RALYL: variants seen among roughly 807,000 people sequenced by gnomAD.
RALYL encodes the protein RALY RNA binding protein like.
Under a neutral mutation model 35.1 loss-of-function variants are expected in RALYL, and 29 were observed. The observed-to-expected ratio is 0.83, with a 90% confidence interval of 0.61 to 1.13. The LOEUF (loss-of-function observed/expected upper bound fraction) is 1.13, where lower values mean the gene tolerates loss of function less well. Among genes scored for constraint, RALYL ranks in the 50% most tolerant of loss-of-function variants. The pLI, the probability that RALYL is intolerant of heterozygous loss-of-function variation, is 0.00. For missense variants in RALYL, 359 were observed against 360.4 expected, an observed-to-expected ratio of 1.00 and a Z score of 0.03; for synonymous variants, 120 against 127.6, an observed-to-expected ratio of 0.94 and a Z score of 0.40.
At chr8:84,505,189 G>A (rs1452512819) in intron 1 of RALYL, among the ~76,000 whole-genome samples, 1 of 152,042 alleles carries the variant, frequency 6.6e-6, no homozygotes, top group Admixed American at 6.6e-5. Context: ...ACCTTACCTC[G>A]GTTTAGTATC....
In RALYL at chr8:84,357,842, A is replaced by T. The variant is rs749673510; in HGVS notation, c.-23-171457A>T. Among the ~76,000 whole-genome samples the T allele has an allele frequency of 4.1e-5, 6 of 145,440 alleles. No homozygotes were observed. The South Asian group carries it at 6.3e-4, about 15-fold the overall frequency. ...CATTAAAAATCAAAAGTTAAAAGTA[A>T]TTAATCTCAAAAAATGGTTAACTGG... On this transcript the variant is annotated intron_variant, in intron 1 of 8. Transcript: ENST00000521268.
intron 1 of RALYL, among the ~76,000 whole-genome samples, chr8:84,273,761 T>C (rs1834800945): frequency 1.3e-5 from 2 of 152,198 alleles, no homozygotes; most frequent in South Asian, 4.1e-4. Flanking sequence ...GGCAAGAGCC[T>C]TTTTATTAAA....
intron 8 of RALYL, among the ~76,000 whole-genome samples, chr8:84,901,086 C>G (rs1417989368): frequency 6.6e-6 from 1 of 152,132 alleles, no homozygotes; most frequent in African/African-American, 2.4e-5. Context: ...TTAATGATTA[C>G]AGTTCAAAGG....
intron 8 of RALYL, among the ~76,000 whole-genome samples, chr8:84,909,154 A>G (rs10095682): frequency 0.45 from 68,281 of 151,950 alleles, 17,943 homozygotes; most frequent in African/African-American, 0.72. Flanking sequence ...TGCCTTCTCA[A>G]ATGTCCTCAT....
intron 2 of RALYL, among the ~76,000 whole-genome samples, chr8:84,741,080 CCA>C (rs536947310): frequency 4.3e-3 from 647 of 152,022 alleles, no homozygotes; most frequent in African/African-American, 0.014. Flanking sequence ...TTATCAGGCC[CCA>C]GTCCCCAAAA....
At chr8:84,495,607 C>A (rs2055913264) in intron 1 of RALYL, among the ~76,000 whole-genome samples, 1 of 152,106 alleles carries the variant, frequency 6.6e-6, no homozygotes, top group African/African-American at 2.4e-5. Context: ...CTAATTCATT[C>A]ATACAAGGTA....
chr8:84,603,923 G>A (rs929887698), intron 2 of RALYL, among the ~76,000 whole-genome samples: 1 of 151,604 alleles, frequency 6.6e-6, no homozygotes, highest in Non-Finnish European at 1.5e-5. Context: ...CTTTTATCAG[G>A]TTTTTTTTGT....
At chr8:84,666,490 A>G (rs1448879840) in intron 2 of RALYL, among the ~76,000 whole-genome samples, 1 of 152,068 alleles carries the variant, frequency 6.6e-6, no homozygotes, top group Non-Finnish European at 1.5e-5. Flanking sequence ...TGTGGAATGG[A>G]AAGGCATTGA....
chr8:84,666,684 T>A (rs1249254639), intron 2 of RALYL, among the ~76,000 whole-genome samples: 1 of 152,084 alleles, frequency 6.6e-6, no homozygotes, highest in African/African-American at 2.4e-5. Flanking sequence ...AAAATACTCA[T>A]AAAGAGCACC....
chr8:84,865,380 T>TG (rs2135116829), intron 6 of RALYL, among the ~76,000 whole-genome samples: 1 of 152,310 alleles, frequency 6.6e-6, no homozygotes, highest in Non-Finnish European at 1.5e-5. Flanking sequence ...TGTTATAGCT[T>TG]GGATAATTTG....
At chr8:84,611,621 A>G (rs1183850718) in intron 2 of RALYL, among the ~76,000 whole-genome samples, 1 of 152,176 alleles carries the variant, frequency 6.6e-6, no homozygotes, top group Non-Finnish European at 1.5e-5. Context: ...GGTTCACTCT[A>G]TTAATATTTG....
intron 2 of RALYL, among the ~76,000 whole-genome samples, chr8:84,732,683 T>TATATATATATATATATATACACACAC: frequency 7.5e-4 from 100 of 133,194 alleles, no homozygotes; most frequent in Non-Finnish European, 1.3e-3. Context: ...TATATATATA[T>TATATATATATATATATATACACACAC]ACACACACAC....
chr8:84,517,407 T>C (rs2058147488), intron 1 of RALYL, among the ~76,000 whole-genome samples: 1 of 152,146 alleles, frequency 6.6e-6, no homozygotes, highest in African/African-American at 2.4e-5. Flanking sequence ...AAGGTAAATA[T>C]CAACCAAGGC....
At chr8:84,772,910 G>A (rs1815903545) in intron 2 of RALYL, among the ~76,000 whole-genome samples, 1 of 152,072 alleles carries the variant, frequency 6.6e-6, no homozygotes, top group African/African-American at 2.4e-5. Context: ...AAGCAAGTGT[G>A]CCCAATGTCT....
chr8:84,363,658 C>T (rs554306854), intron 1 of RALYL, among the ~76,000 whole-genome samples: 1 of 152,204 alleles, frequency 6.6e-6, no homozygotes, highest in South Asian at 2.1e-4. Flanking sequence ...TCTGCTTTGG[C>T]AATTCTCAGA....
intron 8 of RALYL, among the ~76,000 whole-genome samples, chr8:84,890,027 A>G (rs1234791635): frequency 6.6e-6 from 1 of 152,188 alleles, no homozygotes; most frequent in African/African-American, 2.4e-5. Flanking sequence ...AAGGGTAAAT[A>G]TCTTTATAAA....
intron 1 of RALYL, among the ~76,000 whole-genome samples, chr8:84,322,821 C>T (rs138468162): frequency 0.018 from 2,762 of 152,180 alleles, 37 homozygotes; most frequent in South Asian, 0.03. Context: ...ATATTCCTAC[C>T]AGTAAATCTT....
chr8:84,909,535 G>C (rs1435376262), intron 8 of RALYL, among the ~76,000 whole-genome samples: 1 of 152,112 alleles, frequency 6.6e-6, no homozygotes, highest in East Asian at 1.9e-4. Context: ...ATGATGTTGA[G>C]AGCTTAGGCA....
intron 5 of RALYL, among the ~76,000 whole-genome samples, chr8:84,858,793 C>A (rs989389501): frequency 6.6e-6 from 1 of 152,136 alleles, no homozygotes; most frequent in Non-Finnish European, 1.5e-5. Context: ...TCGCAGAAAG[C>A]CTTCCCCGCT....
Sources: allele counts gnomAD v4.1 joint callset (sites outside exome capture counted in the v4.1 genomes callset), GRCh38; gene constraint gnomAD v4.1.1; transcripts MANE v1.5; gene names NCBI Gene and HGNC (gene_info 2026-07-23, HGNC 2026-07-21).